Variants in CCBE1 observed in about 807,000 individuals in gnomAD.
CCBE1 encodes the protein collagen and calcium-binding EGF domain-containing protein 1.
A neutral mutation model predicts 50.0 loss-of-function variants in CCBE1; 37 were observed. That is an observed-to-expected ratio of 0.74 (90% CI 0.57 to 0.97). The LOEUF is 0.97. Among genes scored for constraint, CCBE1 ranks in the 50% least tolerant of loss-of-function variants. The pLI is 0.00. For missense variants in CCBE1, 538 were observed against 523.8 expected (o/e 1.03, Z -0.26); for synonymous variants, 234 against 203.7 (o/e 1.15, Z -1.27).
chr18:59,520,295 C>T (rs1221504514), intron 2 of CCBE1, among the ~76,000 whole-genome samples: 2 of 152,146 alleles, frequency 1.3e-5, no homozygotes, highest in Non-Finnish European at 2.9e-5. Context: ...ATTGATTCTT[C>T]CTATCCATGA....
chr18:59,540,499 A>T (rs867629742), intron 2 of CCBE1, among the ~76,000 whole-genome samples: 5 of 152,042 alleles, frequency 3.3e-5, no homozygotes, highest in African/African-American at 1.2e-4. Context: ...GGGAGGAGGG[A>T]AATAGGGGGT....
intron 2 of CCBE1, among the ~76,000 whole-genome samples, chr18:59,580,984 T>C (rs1599032200): frequency 1.3e-5 from 2 of 152,202 alleles, no homozygotes; most frequent in East Asian, 3.8e-4. Context: ...GCTGCCGCTT[T>C]TGATTAGTTT....
At chr18:59,582,858 G>T (rs2053105439) in intron 2 of CCBE1, among the ~76,000 whole-genome samples, 1 of 152,158 alleles carries the variant, frequency 6.6e-6, no homozygotes, top group South Asian at 2.1e-4. Context: ...TGTCACCCAG[G>T]CTGAAGTGCA....
At chr18:59,644,093 C>G (rs546629776) in intron 2 of CCBE1, among the ~76,000 whole-genome samples, 1 of 152,146 alleles carries the variant, frequency 6.6e-6, no homozygotes, top group South Asian at 2.1e-4. Flanking sequence ...CCCAGGGGGA[C>G]AGTTTTGGGA....
At chr18:59,581,598 A>C (rs1252371373) in intron 2 of CCBE1, among the ~76,000 whole-genome samples, 1 of 152,188 alleles carries the variant, frequency 6.6e-6, no homozygotes, top group African/African-American at 2.4e-5. Flanking sequence ...ATGGTTCCTA[A>C]CATTTTCAGT....
Position 59,469,531 on chromosome 18 carries a change from A to G in CCBE1, c.342T>C (p.Tyr114=), listed in dbSNP as rs114504060. Residue 114 remains tyrosine (Y), a synonymous_variant, in exon 4 of 11, where the codon TAT becomes TAC. Transcript: ENST00000439986. ...TCTCCCGGTCATATCGGTATCCCGG[A>G]TAACAAGTACACAGCACTCGGCCAA... is the stretch of plus-strand genomic sequence containing the variant. ...DNFGRVLCTC[Y]PGYRYDRERH... 9.0e-5 allele frequency: 145 copies of G among 1,614,218 alleles called. No homozygotes were observed. In the South Asian group the frequency reaches 1.4e-3, roughly 15 times the overall value.
At chr18:59,508,606 A>T (rs4940884) in intron 2 of CCBE1, among the ~76,000 whole-genome samples, 9 of 151,736 alleles carry the variant, frequency 5.9e-5, no homozygotes, top group African/African-American at 1.9e-4. Context: ...CACAAAAAAA[A>T]GAAAAGTAAA....
At chr18:59,683,103 C>T (rs1599134300) in intron 2 of CCBE1, among the ~76,000 whole-genome samples, 1 of 152,160 alleles carries the variant, frequency 6.6e-6, no homozygotes, top group Non-Finnish European at 1.5e-5. Context: ...AATAAAAGTG[C>T]TTTCCCCTCA....
intron 2 of CCBE1, among the ~76,000 whole-genome samples, chr18:59,514,224 T>C (rs969677711): frequency 1.3e-5 from 2 of 152,100 alleles, no homozygotes; most frequent in African/African-American, 2.4e-5. Flanking sequence ...GATACGAAAA[T>C]TGAGGCTCAA....
intron 3 of CCBE1, 72 bp downstream of exon 3, chr18:59,480,114 C>T: frequency 1.0e-6 from 1 of 978,432 alleles, no homozygotes; most frequent in South Asian, 1.3e-5. Flanking sequence ...ATTCCATGAA[C>T]ATCTGAAGTT....
chr18:59,462,536 C>T (rs1157063647), intron 5 of CCBE1: 1 of 151,982 alleles, frequency 6.6e-6, no homozygotes, highest in African/African-American at 2.4e-5. Flanking sequence ...CAGGCATGTA[C>T]CATTATGCTC....
chr18:59,438,273 T>C (rs1321057651), intron 9 of CCBE1, 127 bp from the exon 10 acceptor site: 3 of 882,146 alleles, frequency 3.4e-6, no homozygotes, highest in Non-Finnish European at 5.6e-6. Context: ...AGAAAACATA[T>C]GTAAAACTGA....
chr18:59,555,770 A>T (rs1206226982), intron 2 of CCBE1, among the ~76,000 whole-genome samples: 1 of 152,202 alleles, frequency 6.6e-6, no homozygotes, highest in Non-Finnish European at 1.5e-5. Flanking sequence ...ATGCTGCCAT[A>T]CCACATAAGA....
chr18:59,673,773 T>C (rs1461416752), intron 2 of CCBE1, among the ~76,000 whole-genome samples: 3 of 152,244 alleles, frequency 2.0e-5, no homozygotes, highest in African/African-American at 4.8e-5. Context: ...GAACCGGCCT[T>C]GCATCCCAGG....
At chr18:59,681,024 C>G (rs904729094) in intron 2 of CCBE1, among the ~76,000 whole-genome samples, 1 of 150,572 alleles carries the variant, frequency 6.6e-6, no homozygotes, top group African/African-American at 2.4e-5. Flanking sequence ...GAAGCCTCAT[C>G]CTTTTAGGAA....
chr18:59,574,938 G>A (rs909246311), intron 2 of CCBE1, among the ~76,000 whole-genome samples: 9 of 152,250 alleles, frequency 5.9e-5, no homozygotes, highest in East Asian at 5.8e-4. Context: ...TTAGTAAGAC[G>A]AAGTCATACT....
chr18:59,443,432 T>A (rs1476141290), intron 7 of CCBE1, among the ~76,000 whole-genome samples: 1 of 151,808 alleles, frequency 6.6e-6, no homozygotes, highest in African/African-American at 2.4e-5. Context: ...CAAGCATTTT[T>A]AAAAACTTGT....
chr18:59,616,651 C>T (rs913702566), intron 2 of CCBE1, among the ~76,000 whole-genome samples: 3 of 152,278 alleles, frequency 2.0e-5, no homozygotes, highest in Middle Eastern at 3.4e-3. Flanking sequence ...ATGCTTCTCC[C>T]CCTACAAGTC....
chr18:59,662,035 C>G (rs71357649), intron 2 of CCBE1, among the ~76,000 whole-genome samples: 3,896 of 152,184 alleles, frequency 0.026, 80 homozygotes, highest in Non-Finnish European at 0.042. Context: ...CATGCTTTAA[C>G]AGAGCTTATC....
Sources: gnomAD v4.1 joint callset for allele counts (sites outside exome capture counted in the v4.1 genomes callset) on GRCh38, gnomAD v4.1.1 for gene constraint, MANE v1.5 for transcripts, NCBI Gene and HGNC (gene_info 2026-07-23, HGNC 2026-07-21) for gene names.